Variants in KCNQ1 observed in about 807,000 individuals in gnomAD.
The protein encoded by KCNQ1 is potassium voltage-gated channel subfamily KQT member 1.
A neutral mutation model predicts 72.4 loss-of-function variants in KCNQ1; 49 were observed. The ratio of observed to expected loss-of-function variants is 0.68; its 90% CI spans 0.54 to 0.86. KCNQ1 has a LOEUF of 0.86. Ranked by LOEUF, KCNQ1 falls within the 40% of genes least tolerant of loss-of-function variation. KCNQ1 has a pLI of 0.00. For synonymous variants in KCNQ1, 450 were observed against 412.6 expected, an observed-to-expected ratio of 1.09 and a Z score of -1.10; for missense variants, 790 against 945.1, an observed-to-expected ratio of 0.84 and a Z score of 2.15.
rs1849015792 is a variant in KCNQ1, at chr11:2,613,605, C to A, written c.1393+24751C>A. Reference sequence around the variant, plus strand: ...ATTAGCACTTTTCAATTTTATATTTCTTTGTCCAGTTTTATCATTGCTTTT... The same window carrying A: ...ATTAGCACTTTTCAATTTTATATTTATTTGTCCAGTTTTATCATTGCTTTT... On this transcript the variant is annotated intron_variant, in intron 10 of 15. Transcript: ENST00000155840. This position sits in a 1 kb window ranked among gnomAD's most constrained non-coding sequence, Gnocchi z 4.8. The A allele has an allele frequency of 5.0e-6, 2 of 398,398 alleles. No homozygotes were observed. Among genetic ancestry groups the A allele is most frequent in the African/African-American group, 4.1e-5 (2 of 48,596 alleles). The allele number at this position is 398,398 out of a possible 1,614,324, so 24.7% of individuals were successfully genotyped here.
At chr11:2,575,532 C>CT (rs1848410553) in intron 6 of KCNQ1, among the ~76,000 whole-genome samples, 1 of 152,364 alleles carries the variant, frequency 6.6e-6, no homozygotes, top group African/African-American at 2.4e-5. Context: ...CAGATGGGGG[C>CT]TTTTAAGCCA....
chr11:2,535,638 C>T (rs1038885825), intron 2 of KCNQ1, among the ~76,000 whole-genome samples: 19 of 152,226 alleles, frequency 1.2e-4, no homozygotes, highest in Admixed American at 5.2e-4. Context: ...AGCCCTGTGG[C>T]GTCTCTCTCA....
rs918928165 is a variant in KCNQ1, at chr11:2,458,042, G to A, written c.386+12558G>A. Among the ~76,000 whole-genome samples, 13 of 152,070 alleles carry A rather than the reference G, an allele frequency of 8.5e-5. No homozygotes were observed. Among genetic ancestry groups the A allele is most frequent in the Admixed American group, 1.3e-4 (2 of 15,266 alleles). On this transcript the variant is annotated intron_variant, in intron 1 of 15. Coordinates refer to ENST00000155840, the MANE Select transcript of KCNQ1 (RefSeq NM_000218.3). The surrounding 1 kb of genome is among the most constrained non-coding windows in gnomAD (Gnocchi z 4.6). Reference sequence around the variant, plus strand: ...CCTGAAAGAAACCAGGGCCCCTGGCGGATTCCAGGTCTGTGGCAGAAGATG... The same window carrying A: ...CCTGAAAGAAACCAGGGCCCCTGGCAGATTCCAGGTCTGTGGCAGAAGATG...
At position 2,565,086 on chromosome 11, in the gene KCNQ1, C is replaced by T. The variant is rs147934643; in HGVS notation, c.478-5542C>T. On this transcript the variant is annotated intron_variant, in intron 2 of 15. Coordinates refer to ENST00000155840, the MANE Select transcript of KCNQ1 (RefSeq NM_000218.3). This position sits in a 1 kb window ranked among gnomAD's most constrained non-coding sequence, Gnocchi z 5.6. ...CTCCTTTAAAGAGACCGGGGACAGA[C>T]TCCAAAGTGGAATTGCTGGGTCATA... 4.0e-3 allele frequency among the ~76,000 whole-genome samples: 602 copies of T among 152,282 alleles called. 19 individuals carry two copies. Among genetic ancestry groups the T allele is most frequent in the Admixed American group, 0.034 (516 of 15,292 alleles).
chr11:2,708,715 G>GA lies in KCNQ1; in HGVS notation c.1514+46634_1514+46635insA, dbSNP rs565851006. ...AGAAGATACAGTTTATACGCGGGTT[G>GA]CGGGGGGCGGTCCATTTCCATCTCC... On this transcript the variant is annotated intron_variant, in intron 11 of 15. Coordinates refer to ENST00000155840, the MANE Select transcript of KCNQ1 (RefSeq NM_000218.3). Among the ~76,000 whole-genome samples, 84 of 148,752 alleles carry GA rather than the reference G, an allele frequency of 5.6e-4. No homozygotes were observed. In the East Asian group the frequency reaches 0.017, roughly 30 times the overall value.
In KCNQ1 at chr11:2,588,816, G is replaced by T. The variant is rs145229963; in HGVS notation, c.1355G>T (p.Arg452Leu). 5.0e-6 allele frequency: 8 copies of T among 1,613,016 alleles called. No homozygotes were observed. Among genetic ancestry groups the T allele is most frequent in the Non-Finnish European group, 5.9e-6 (7 of 1,179,926 alleles). Residue 452 changes from arginine (R) to leucine (L), a missense_variant, in exon 10 of 16, where the codon CGG (arginine) becomes CTG (leucine). This residue lies in a region of KCNQ1 where 178 missense variants were observed against 177.9 expected (regional missense o/e 1.00). Coordinates refer to ENST00000155840, the MANE Select transcript of KCNQ1 (RefSeq NM_000218.3). The surrounding 1 kb of genome is among the most constrained non-coding windows in gnomAD (Gnocchi z 5.6). ...HITCDPPEER[R>L]LDHFSVDGYD... is the part of the protein sequence containing the mutation. Reference sequence around the variant, plus strand: ...ACGTGCGACCCCCCAGAAGAGCGGCGGCTGGACCACTTCTCTGTCGACGGC... The same window carrying T: ...ACGTGCGACCCCCCAGAAGAGCGGCTGCTGGACCACTTCTCTGTCGACGGC...
intron 11 of KCNQ1, among the ~76,000 whole-genome samples, chr11:2,756,441 T>TAAAAAAAAAAAAAA (rs59499292): frequency 1.5e-5 from 2 of 137,246 alleles, no homozygotes; most frequent in Non-Finnish European, 3.2e-5. Flanking sequence ...TTACTAAAAT[T>TAAAAAAAAAAAAAA]AAAAAAAAAA....
At chr11:2,591,894 G>A (rs182691550) in intron 10 of KCNQ1, among the ~76,000 whole-genome samples, 57 of 152,356 alleles carry the variant, frequency 3.7e-4, no homozygotes, top group Admixed American at 1.3e-3. Context: ...CTGATAATCC[G>A]GAGTCCCCTT....
At chr11:2,644,155 G>A (rs1849626897) in intron 10 of KCNQ1, 2 of 398,434 alleles carry the variant, frequency 5.0e-6, no homozygotes, top group East Asian at 7.1e-5. Flanking sequence ...ATTGGGAAGT[G>A]TTCAGGTATT....
At chr11:2,554,771 C>CAACA (rs1848043254) in intron 2 of KCNQ1, among the ~76,000 whole-genome samples, 1 of 152,260 alleles carries the variant, frequency 6.6e-6, no homozygotes, top group Non-Finnish European at 1.5e-5. Flanking sequence ...ACTGTGTAAA[C>CAACA]TTCAGCCCTA....
chr11:2,458,451 G>T lies in KCNQ1; in HGVS notation c.386+12967G>T, dbSNP rs1288612349. Among the ~76,000 whole-genome samples, 1 of 152,224 alleles carries T rather than the reference G, an allele frequency of 6.6e-6. No individual in the cohort carries two copies. The highest frequency in any genetic ancestry group is 2.4e-5 in the African/African-American group (1 of 41,470). On this transcript the variant is annotated intron_variant, in intron 1 of 15. Coordinates refer to ENST00000155840, the MANE Select transcript of KCNQ1 (RefSeq NM_000218.3). The surrounding 1 kb of genome is among the most constrained non-coding windows in gnomAD (Gnocchi z 4.6). ...GGGAAACCCAGTAGCTGATGGGGTT[G>T]CGTCCTTCTTTGGGACTCCCGCAGA...
chr11:2,524,798 A>G (rs2283154), intron 1 of KCNQ1, among the ~76,000 whole-genome samples: 99,972 of 152,100 alleles, frequency 0.66, 33,307 homozygotes, highest in African/African-American at 0.72. Flanking sequence ...TTGTGTTGAT[A>G]AGGAAACTGA....
In KCNQ1 at chr11:2,538,449, A is replaced by G. The variant is rs1847771362; in HGVS notation, c.477+10431A>G. Among the ~76,000 whole-genome samples, 1 of 152,150 alleles carries G rather than the reference A, an allele frequency of 6.6e-6. No individual in the cohort carries two copies. The highest frequency in any genetic ancestry group is 1.5e-5 in the Non-Finnish European group (1 of 68,022). On this transcript the variant is annotated intron_variant, in intron 2 of 15. Transcript: ENST00000155840. This position sits in a 1 kb window ranked among gnomAD's most constrained non-coding sequence, Gnocchi z 6.7. ...GTCTCCACCACGATGGACATCATTT[A>G]TGCCCCAGCCAGGTCCCCTGTCCCA...
intron 11 of KCNQ1, among the ~76,000 whole-genome samples, chr11:2,741,395 T>C (rs971919405): frequency 1.3e-5 from 2 of 152,172 alleles, no homozygotes; most frequent in Admixed American, 1.3e-4. Flanking sequence ...CTTTTTGTTT[T>C]ATTATCCAGA....
rs1047657884 is a variant in KCNQ1, at chr11:2,508,656, T to G, written c.387-19272T>G. Among the ~76,000 whole-genome samples, 6 of 152,166 alleles carry G rather than the reference T, an allele frequency of 3.9e-5. 1 individual carries two copies. The East Asian group carries it at 1.2e-3, about 29-fold the overall frequency. ...GCACAGAGGGTGTGGGTGACCCAGA[T>G]ATCCTGTTGTTGCTCAGAGACCCCC... On this transcript the variant is annotated intron_variant, in intron 1 of 15. Transcript: ENST00000155840. This position sits in a 1 kb window ranked among gnomAD's most constrained non-coding sequence, Gnocchi z 6.2.
rs190825624 is a variant in KCNQ1 at position 2,723,038 on chromosome 11, C to T, written c.1515-45806C>T. On this transcript the variant is annotated intron_variant, in intron 11 of 15. Coordinates refer to ENST00000155840, the MANE Select transcript of KCNQ1 (RefSeq NM_000218.3). This position sits in a 1 kb window ranked among gnomAD's most constrained non-coding sequence, Gnocchi z 4.2. Reference sequence around the variant, plus strand: ...TGGGCCAGCTGCGGCCCAAAAGCCTCCTGGCCTCCATTCCCGTGCCAGGGT... The same window carrying T: ...TGGGCCAGCTGCGGCCCAAAAGCCTTCTGGCCTCCATTCCCGTGCCAGGGT... Among the ~76,000 whole-genome samples the T allele has an allele frequency of 4.6e-5, 7 of 152,352 alleles. No homozygotes were observed. In the East Asian group the frequency reaches 1.2e-3, roughly 25 times the overall value.
At chr11:2,637,953 G>C (rs540795526) in intron 10 of KCNQ1, 1 of 152,240 alleles carries the variant, frequency 6.6e-6, no homozygotes, top group East Asian at 1.9e-4. Flanking sequence ...TGTCTCTTTT[G>C]ATCTTTATTG....
intron 10 of KCNQ1, among the ~76,000 whole-genome samples, chr11:2,590,413 C>T (rs937327561): frequency 2.7e-4 from 41 of 152,232 alleles, no homozygotes; most frequent in African/African-American, 9.6e-4. Flanking sequence ...AGGGCGTGGT[C>T]CCCCTTGGAG....
At chr11:2,733,814 A>ACACACACACACACACACTCTCT in intron 11 of KCNQ1, among the ~76,000 whole-genome samples, 21 of 86,654 alleles carry the variant, frequency 2.4e-4, no homozygotes, top group South Asian at 3.9e-4. Flanking sequence ...ACACACACAC[A>ACACACACACACACACACTCTCT]CTCTCTCACT....
Sources: allele counts gnomAD v4.1 joint callset (sites outside exome capture counted in the v4.1 genomes callset), GRCh38; gene constraint gnomAD v4.1.1; regional missense constraint gnomAD v4.1.1; non-coding constraint Gnocchi (gnomAD v3.1); transcripts MANE v1.5; gene names NCBI Gene and HGNC (gene_info 2026-07-23, HGNC 2026-07-21).